ATXN7L1: variants seen among roughly 807,000 people sequenced by gnomAD.
ATXN7L1 encodes the protein ataxin-7-like protein 1.
A neutral mutation model predicts 70.8 loss-of-function variants in ATXN7L1; 15 were observed. That is an observed-to-expected ratio of 0.21 (90% CI 0.14 to 0.33). ATXN7L1 has a LOEUF of 0.33. Among genes scored for constraint, ATXN7L1 ranks in the 10% least tolerant of loss-of-function variants. ATXN7L1 has a pLI of 1.00. For missense variants in ATXN7L1, 975 were observed against 1,097.1 expected (o/e 0.89, Z 1.57); for synonymous variants, 440 against 445.1 (o/e 0.99, Z 0.14).
chr7:105,702,035 T>G (rs1792526577), intron 3 of ATXN7L1, among the ~76,000 whole-genome samples: 1 of 152,238 alleles, frequency 6.6e-6, no homozygotes, highest in Non-Finnish European at 1.5e-5. Flanking sequence ...GAAGACAAGT[T>G]GAAAAGCTCA....
chr7:105,850,775 T>C (rs1012021149), intron 2 of ATXN7L1, among the ~76,000 whole-genome samples: 1 of 152,082 alleles, frequency 6.6e-6, no homozygotes, highest in Non-Finnish European at 1.5e-5. Context: ...TCTCAGGAGC[T>C]CCCGGTTTCC....
intron 2 of ATXN7L1, among the ~76,000 whole-genome samples, chr7:105,809,523 C>T (rs1176732138): frequency 2.6e-5 from 4 of 152,158 alleles, no homozygotes; most frequent in Non-Finnish European, 4.4e-5. Flanking sequence ...CAGTATTGGT[C>T]CTTTATGACT....
At chr7:105,731,828 C>T (rs886923863) in intron 3 of ATXN7L1, among the ~76,000 whole-genome samples, 17 of 116,166 alleles carry the variant, frequency 1.5e-4, no homozygotes, top group African/African-American at 6.2e-4. Context: ...TGCAGTGGCT[C>T]AGGCCTGTAA....
intron 2 of ATXN7L1, among the ~76,000 whole-genome samples, chr7:105,853,785 C>CAA (rs917997773): frequency 3.3e-5 from 5 of 151,930 alleles, no homozygotes; most frequent in Non-Finnish European, 7.4e-5. Context: ...CAAAACAAAA[C>CAA]AAAACAAAAA....
At chr7:105,718,084 A>T (rs1038165101) in intron 3 of ATXN7L1, among the ~76,000 whole-genome samples, 10 of 152,226 alleles carry the variant, frequency 6.6e-5, no homozygotes, top group Non-Finnish European at 1.5e-4. Context: ...AGAGTAAATT[A>T]GATAAAATAA....
At chr7:105,753,145 G>A (rs1799400779) in intron 3 of ATXN7L1, among the ~76,000 whole-genome samples, 1 of 152,254 alleles carries the variant, frequency 6.6e-6, no homozygotes, top group Non-Finnish European at 1.5e-5. Flanking sequence ...CTGCTGCTGA[G>A]TCTTTCTCAA....
rs2272170 is a variant in ATXN7L1, at chr7:105,638,689, T to C, written c.946-80A>G. 327 of 1,444,632 alleles carry C rather than the reference T, an allele frequency of 2.3e-4. 4 individuals are homozygous for C. The East Asian group carries it at 7.8e-3, about 34-fold the overall frequency. The allele number at this position is 1,444,632 out of a possible 1,614,324, so 89.5% of individuals were successfully genotyped here. On this transcript the variant is annotated intron_variant, in intron 6 of 11. Transcript: ENST00000419735. ...TTCCCCAGGCCCTCCATTTCAGAAA[T>C]AGCAATTCATGGAAATTTAGAGGTG...
chr7:105,847,850 C>T (rs991822070), intron 2 of ATXN7L1, among the ~76,000 whole-genome samples: 5 of 152,308 alleles, frequency 3.3e-5, no homozygotes, highest in South Asian at 2.1e-4. Flanking sequence ...ACTATTCATA[C>T]GAAATGGCCC....
chr7:105,868,271 C>T (rs1428385532), intron 2 of ATXN7L1, among the ~76,000 whole-genome samples: 3 of 152,142 alleles, frequency 2.0e-5, no homozygotes, highest in South Asian at 2.1e-4. Flanking sequence ...GCACTCATCG[C>T]GGTCTACCTG....
At chr7:105,642,365 C>T (rs1798399067) in intron 5 of ATXN7L1, among the ~76,000 whole-genome samples, 1 of 152,216 alleles carries the variant, frequency 6.6e-6, no homozygotes, top group South Asian at 2.1e-4. Context: ...ACTCCCGAGG[C>T]CAAAGGACAG....
At chr7:105,782,619 G>C (rs1033594977) in intron 3 of ATXN7L1, among the ~76,000 whole-genome samples, 5 of 152,184 alleles carry the variant, frequency 3.3e-5, no homozygotes, top group Non-Finnish European at 7.3e-5. Context: ...TGGGCGGGGG[G>C]CTCCATGTCA....
At chr7:105,608,673 A>T (rs6949597) in intron 11 of ATXN7L1, among the ~76,000 whole-genome samples, 11 of 151,844 alleles carry the variant, frequency 7.2e-5, no homozygotes, top group South Asian at 2.1e-4. Context: ...GCACACATGA[A>T]GGGCTGCAAG....
chr7:105,749,548 C>T (rs1798950310), intron 3 of ATXN7L1, among the ~76,000 whole-genome samples: 1 of 150,814 alleles, frequency 6.6e-6, no homozygotes, highest in African/African-American at 2.4e-5. Flanking sequence ...CACCTGAACC[C>T]AGGAGGCAGA....
At chr7:105,632,882 C>T (rs1027367570) in intron 7 of ATXN7L1, among the ~76,000 whole-genome samples, 1 of 132,174 alleles carries the variant, frequency 7.6e-6, no homozygotes, top group Non-Finnish European at 1.5e-5. Flanking sequence ...GATTGTACCA[C>T]TGCACTCCAG....
chr7:105,876,353 G>A (rs747057500), intron 1 of ATXN7L1, 25 bp downstream of exon 1: 55 of 1,572,686 alleles, frequency 3.5e-5, no homozygotes, highest in Middle Eastern at 3.3e-4. Context: ...ATAATAAAAG[G>A]AGGAGGAGGT....
At chr7:105,822,589 C>T (rs936893657) in intron 2 of ATXN7L1, among the ~76,000 whole-genome samples, 7 of 152,176 alleles carry the variant, frequency 4.6e-5, no homozygotes, top group East Asian at 1.9e-4. Flanking sequence ...TGTTGCTGAG[C>T]GCCTTGCAGT....
chr7:105,738,513 C>T (rs1467542938), intron 3 of ATXN7L1, among the ~76,000 whole-genome samples: 1 of 152,244 alleles, frequency 6.6e-6, no homozygotes, highest in Non-Finnish European at 1.5e-5. Flanking sequence ...CTCACATATA[C>T]TTGTCAGCAC....
intron 2 of ATXN7L1, among the ~76,000 whole-genome samples, chr7:105,859,164 C>A (rs1481408034): frequency 6.6e-6 from 1 of 151,902 alleles, no homozygotes. Context: ...CCAGAGAATG[C>A]CTCTAATTTT....
chr7:105,773,475 G>A (rs1040063109), intron 3 of ATXN7L1, among the ~76,000 whole-genome samples: 5 of 152,100 alleles, frequency 3.3e-5, no homozygotes, highest in Admixed American at 6.6e-5. Flanking sequence ...CTATTTAATG[G>A]CTGTGGCACC....
Sources: gnomAD v4.1 joint callset for allele counts (sites outside exome capture counted in the v4.1 genomes callset) on GRCh38, gnomAD v4.1.1 for gene constraint, MANE v1.5 for transcripts, NCBI Gene and HGNC (gene_info 2026-07-23, HGNC 2026-07-21) for gene names.